SEMA5A: variants seen among roughly 807,000 people sequenced by gnomAD.
SEMA5A encodes semaphorin-5A.
Under a neutral mutation model 135.5 loss-of-function variants are expected in SEMA5A, and 55 were observed. The observed-to-expected ratio is 0.41, with a 90% CI of 0.33 to 0.51. The LOEUF (loss-of-function observed/expected upper bound fraction) is 0.51. SEMA5A is among the 20% of genes least tolerant of loss of function. The probability of loss-of-function intolerance (pLI) is 0.37; values close to 1 mark genes in which losing one functional copy is unlikely to be tolerated. For missense variants in SEMA5A, 1,290 were observed against 1,419.9 expected (o/e 0.91, Z 1.47); for synonymous variants, 580 against 546.5 (o/e 1.06, Z -0.85).
chr5:9,331,163 G>C (rs970561812), intron 4 of SEMA5A, among the ~76,000 whole-genome samples: 1 of 152,164 alleles, frequency 6.6e-6, no homozygotes, highest in African/African-American at 2.4e-5. Flanking sequence ...CAGTTTTCCT[G>C]TTAATTATAT....
intron 10 of SEMA5A, among the ~76,000 whole-genome samples, chr5:9,192,276 A>G (rs1333130522): frequency 1.3e-5 from 2 of 152,238 alleles, no homozygotes; most frequent in Non-Finnish European, 2.9e-5. Context: ...CTGTCTCTTT[A>G]CCTGTCCGGT....
intron 18 of SEMA5A, among the ~76,000 whole-genome samples, chr5:9,057,427 T>A (rs1736953054): frequency 6.6e-6 from 1 of 152,236 alleles, no homozygotes; most frequent in African/African-American, 2.4e-5. Flanking sequence ...CAATATTTAT[T>A]CCTGTCCACA....
At chr5:9,205,969 CTTATA>C (rs1179600121) in intron 8 of SEMA5A, among the ~76,000 whole-genome samples, 2 of 152,264 alleles carry the variant, frequency 1.3e-5, no homozygotes, top group East Asian at 3.9e-4. Flanking sequence ...TCAAATAGCT[CTTATA>C]TTTATTGATA....
intron 2 of SEMA5A, among the ~76,000 whole-genome samples, chr5:9,398,758 C>T (rs1021408903): frequency 2.6e-5 from 4 of 152,174 alleles, no homozygotes; most frequent in African/African-American, 9.7e-5. Flanking sequence ...TTGAGAAACA[C>T]AGGCCTAGGT....
At chr5:9,432,778 G>A (rs1258065956) in intron 2 of SEMA5A, among the ~76,000 whole-genome samples, 2 of 152,130 alleles carry the variant, frequency 1.3e-5, no homozygotes, top group Non-Finnish European at 2.9e-5. Flanking sequence ...GCCTTAACTT[G>A]GTCTTTGATA....
intron 3 of SEMA5A, among the ~76,000 whole-genome samples, chr5:9,338,788 T>G (rs1753510274): frequency 6.6e-6 from 1 of 152,178 alleles, no homozygotes; most frequent in African/African-American, 2.4e-5. Flanking sequence ...CAACAAACGC[T>G]GATGCTAAAC....
chr5:9,177,523 T>C (rs1348070134), intron 11 of SEMA5A, among the ~76,000 whole-genome samples: 1 of 152,230 alleles, frequency 6.6e-6, no homozygotes, highest in Non-Finnish European at 1.5e-5. Context: ...TCTGTTGATA[T>C]GCATTTTCTG....
intron 8 of SEMA5A, among the ~76,000 whole-genome samples, chr5:9,211,985 CA>C (rs1360912215): frequency 1.3e-5 from 2 of 152,182 alleles, no homozygotes; most frequent in Non-Finnish European, 2.9e-5. Context: ...TGGGAGAACT[CA>C]GTGGGATAAG....
chr5:9,541,607 T>C (rs535747448), intron 1 of SEMA5A, among the ~76,000 whole-genome samples: 2 of 152,322 alleles, frequency 1.3e-5, no homozygotes, highest in Admixed American at 1.3e-4. Context: ...AATGCAGCAA[T>C]ACTATGTCAC....
chr5:9,309,980 A>T (rs1267028780), intron 5 of SEMA5A, among the ~76,000 whole-genome samples: 1 of 86,228 alleles, frequency 1.2e-5, no homozygotes, highest in East Asian at 3.5e-4. Context: ...TCAACTGGGG[A>T]TCATGTAATT....
chr5:9,234,975 C>T (rs1747821831), intron 6 of SEMA5A, among the ~76,000 whole-genome samples: 1 of 152,172 alleles, frequency 6.6e-6, no homozygotes, highest in Admixed American at 6.5e-5. Context: ...GTTCTAAGCA[C>T]CAAACAACCA....
intron 2 of SEMA5A, among the ~76,000 whole-genome samples, chr5:9,417,691 A>G (rs1382284148): frequency 1.3e-5 from 2 of 152,216 alleles, no homozygotes; most frequent in African/African-American, 4.8e-5. Context: ...TCCTCCGATC[A>G]GCACATCCCT....
At chr5:9,214,293 G>C (rs1254976537) in intron 8 of SEMA5A, among the ~76,000 whole-genome samples, 2 of 152,176 alleles carry the variant, frequency 1.3e-5, no homozygotes, top group South Asian at 2.1e-4. Context: ...ACCCACAAAG[G>C]CTTCCAGAGC....
At chr5:9,279,741 C>T (rs2150561144) in intron 5 of SEMA5A, among the ~76,000 whole-genome samples, 1 of 152,238 alleles carries the variant, frequency 6.6e-6, no homozygotes, top group East Asian at 1.9e-4. Context: ...CCCCTTGACT[C>T]TCCCTCTCTC....
At chr5:9,381,092 A>G (rs1030450635) in intron 2 of SEMA5A, among the ~76,000 whole-genome samples, 1 of 152,246 alleles carries the variant, frequency 6.6e-6, no homozygotes. Flanking sequence ...GGCAAACTAC[A>G]CTAAGGTGTG....
At chr5:9,505,068 A>G (rs1050797093) in intron 1 of SEMA5A, among the ~76,000 whole-genome samples, 4 of 152,310 alleles carry the variant, frequency 2.6e-5, no homozygotes, top group African/African-American at 7.2e-5. Flanking sequence ...AGTTCAGAAC[A>G]CTGAAGAATT....
chr5:9,284,606 G>A (rs1257512217), intron 5 of SEMA5A, among the ~76,000 whole-genome samples: 1 of 151,910 alleles, frequency 6.6e-6, no homozygotes, highest in African/African-American at 2.4e-5. Context: ...CACAAGTGAT[G>A]GTATTTTTCC....
At chr5:9,171,959 G>A (rs1454983874) in intron 11 of SEMA5A, among the ~76,000 whole-genome samples, 2 of 152,180 alleles carry the variant, frequency 1.3e-5, no homozygotes, top group Non-Finnish European at 2.9e-5. Flanking sequence ...CACTTGAGAA[G>A]ATGTCAAAGG....
intron 1 of SEMA5A, among the ~76,000 whole-genome samples, chr5:9,464,445 T>G (rs1759178117): frequency 6.6e-6 from 1 of 152,110 alleles, no homozygotes; most frequent in Admixed American, 6.5e-5. Context: ...CTCTGGAGAG[T>G]GAACTGTTTA....
Sources: allele counts gnomAD v4.1 joint callset (sites outside exome capture counted in the v4.1 genomes callset), GRCh38; gene constraint gnomAD v4.1.1; transcripts MANE v1.5; gene names NCBI Gene and HGNC (gene_info 2026-07-23, HGNC 2026-07-21).